Variants in DNAJB14 observed in about 807,000 individuals in gnomAD.
DNAJB14 encodes DnaJ heat shock protein family (Hsp40) member B14.
Under a neutral mutation model 48.4 loss-of-function variants are expected in DNAJB14, and 22 were observed. The observed-to-expected ratio is 0.45, with a 90% confidence interval of 0.32 to 0.65. The LOEUF is 0.65. Among genes scored for constraint, DNAJB14 ranks in the 30% least tolerant of loss-of-function variants. The pLI is 0.03. For synonymous variants in DNAJB14, 142 were observed against 158.7 expected (o/e 0.89, Z 0.79); for missense variants, 319 against 458.8 (o/e 0.70, Z 2.78).
At chr4:99,934,789 CAAAAAAAAAAAAAAAAAA>C (rs1167945149) in intron 1 of DNAJB14, among the ~76,000 whole-genome samples, 1 of 6,774 alleles carries the variant, frequency 1.5e-4, no homozygotes, top group Non-Finnish European at 2.4e-4. Context: ...AAGACTGTCT[CAAAAAAAAAAAAAAAAAA>C]AAAAAAAAAA....
At chr4:99,924,486 A>C (rs1726176989) in intron 2 of DNAJB14, 2 of 280,726 alleles carry the variant, frequency 7.1e-6, no homozygotes, top group African/African-American at 2.2e-5. Context: ...AAATTGTACA[A>C]ATTTACAGAA....
At chr4:99,923,734 T>C (rs1726145894) in intron 2 of DNAJB14, 2 of 968,044 alleles carry the variant, frequency 2.1e-6, no homozygotes, top group African/African-American at 1.8e-5. Context: ...TGGGGTCTTG[T>C]TATGTTGGGG....
At chr4:99,903,182 T>G (rs1472356536) in intron 7 of DNAJB14, among the ~76,000 whole-genome samples, 1 of 152,106 alleles carries the variant, frequency 6.6e-6, no homozygotes, top group Non-Finnish European at 1.5e-5. Flanking sequence ...TATATCAATC[T>G]TTATAGATGG....
intron 3 of DNAJB14, among the ~76,000 whole-genome samples, chr4:99,916,731 ATG>A (rs1725870302): frequency 6.6e-6 from 1 of 152,088 alleles, no homozygotes; most frequent in East Asian, 1.9e-4. Context: ...CATAATTTAT[ATG>A]TGTTATATAT....
intron 1 of DNAJB14, among the ~76,000 whole-genome samples, chr4:99,937,923 TAA>T (rs373465440): frequency 3.9e-4 from 47 of 119,916 alleles, no homozygotes; most frequent in African/African-American, 8.4e-4. Flanking sequence ...TCTATTTATT[TAA>T]AAAAAAAAAA....
At chr4:99,927,173 A>G (rs1458826012) in intron 2 of DNAJB14, 1 of 152,184 alleles carries the variant, frequency 6.6e-6, no homozygotes, top group African/African-American at 2.4e-5. Context: ...CAACAAGGCC[A>G]AAAGGATCTG....
intron 3 of DNAJB14, among the ~76,000 whole-genome samples, chr4:99,920,221 A>C (rs913434520): frequency 2.0e-5 from 3 of 152,286 alleles, no homozygotes; most frequent in Non-Finnish European, 4.4e-5. Context: ...TGTAAGGTTT[A>C]TTTCCCCCTT....
chr4:99,896,282 T>G lies in DNAJB14; in HGVS notation c.*4746A>C, dbSNP rs1302895370. 6.6e-6 allele frequency: 1 copy of G among 152,152 alleles called. No homozygotes were observed. The allele number at this position is 152,152 out of a possible 1,614,324, so 9.4% of individuals were successfully genotyped here. On this transcript the variant is annotated 3_prime_UTR_variant, in exon 8 of 8. Transcript: ENST00000442697. Reference sequence around the variant, plus strand: ...GAGAACAGACCTTTTTATTAATATATTGAGATAAACTACAGAGACTGAAAG... The same window carrying G: ...GAGAACAGACCTTTTTATTAATATAGTGAGATAAACTACAGAGACTGAAAG...
Position 99,900,126 on chromosome 4 carries a change from TCAC to T in DNAJB14, c.*899_*901del, listed in dbSNP as rs1227156114. The T allele has an allele frequency of 6.6e-6, 1 of 152,358 alleles. No homozygotes were observed. The highest frequency in any genetic ancestry group is 2.4e-5 in the African/African-American group (1 of 41,428). 9.4% of individuals were successfully genotyped at this position (152,358 alleles called of 1,614,324 possible). ...ACTTCTTTGGATCCTGCTTAAATGATCACCAAGAAACTGCAAATTTCTATGGGG... is the reference window on the plus strand; with the variant it reads ...ACTTCTTTGGATCCTGCTTAAATGATCAAGAAACTGCAAATTTCTATGGGG... On this transcript the variant is annotated 3_prime_UTR_variant, in exon 8 of 8. Coordinates refer to ENST00000442697, the MANE Select transcript of DNAJB14 (RefSeq NM_001031723.4).
At chr4:99,914,740 A>G (rs2110201499) in intron 3 of DNAJB14, among the ~76,000 whole-genome samples, 1 of 152,288 alleles carries the variant, frequency 6.6e-6, no homozygotes, top group East Asian at 1.9e-4. Flanking sequence ...CACGTTATCT[A>G]TGTCAGACTG....
intron 5 of DNAJB14, 135 bp from the exon 6 acceptor site, chr4:99,905,841 T>C (rs1349519834): frequency 1.6e-6 from 2 of 1,253,158 alleles, no homozygotes; most frequent in Non-Finnish European, 2.2e-6. Flanking sequence ...TGCGTAACCA[T>C]GCCAATAGGA....
intron 7 of DNAJB14, 103 bp from the exon 8 acceptor site, chr4:99,901,255 T>G: frequency 3.9e-6 from 4 of 1,032,366 alleles, no homozygotes; most frequent in Non-Finnish European, 5.3e-6. Flanking sequence ...ATATTTTGAT[T>G]AACTGACTTA....
In DNAJB14 at chr4:99,897,615, T is replaced by C. The variant is rs189945637; in HGVS notation, c.*3413A>G. ...AGACAAGTTTCTTTTCATTGGTTTATAGGGAATTTTATGGATTTTAACTAG... is the reference window on the plus strand; with the variant it reads ...AGACAAGTTTCTTTTCATTGGTTTACAGGGAATTTTATGGATTTTAACTAG... On this transcript the variant is annotated 3_prime_UTR_variant, in exon 8 of 8. Coordinates refer to ENST00000442697, the MANE Select transcript of DNAJB14 (RefSeq NM_001031723.4). The C allele has an allele frequency of 2.0e-5, 3 of 152,128 alleles. No homozygotes were observed. Among genetic ancestry groups the C allele is most frequent in the East Asian group, 1.9e-4 (1 of 5,190 alleles). 9.4% of individuals were successfully genotyped at this position (152,128 alleles called of 1,614,324 possible).
intron 7 of DNAJB14, among the ~76,000 whole-genome samples, chr4:99,902,013 C>G (rs982587603): frequency 6.6e-6 from 1 of 152,128 alleles, no homozygotes; most frequent in African/African-American, 2.4e-5. Context: ...ACTAAATCAA[C>G]TGGACTAGGA....
At chr4:99,945,028 A>G (rs1312863251) in intron 1 of DNAJB14, among the ~76,000 whole-genome samples, 5 of 152,180 alleles carry the variant, frequency 3.3e-5, no homozygotes, top group Admixed American at 6.5e-5. Context: ...ACAGAAACAC[A>G]AAGTAGAATG....
intron 7 of DNAJB14, 127 bp downstream of exon 7, chr4:99,903,598 CA>C: frequency 1.0e-6 from 1 of 958,788 alleles, no homozygotes; most frequent in East Asian, 2.6e-5. Flanking sequence ...CACATGATCT[CA>C]TTTAAGTACT....
intron 1 of DNAJB14, 94 bp downstream of exon 1, chr4:99,946,345 C>A (rs1283498657): frequency 1.3e-6 from 2 of 1,529,988 alleles, no homozygotes; most frequent in South Asian, 2.4e-5. Flanking sequence ...CCGGGGGCCC[C>A]GCAGGCCTCC....
In DNAJB14 at chr4:99,906,562, ATGT is replaced by A. The variant is rs1725476623; in HGVS notation, c.684_686del (p.Gln228del). On this transcript the variant is annotated inframe_deletion, in exon 5 of 8. Coordinates refer to ENST00000442697, the MANE Select transcript of DNAJB14 (RefSeq NM_001031723.4). Reference sequence around the variant, plus strand: ...TTTCATGTCCACTATGTCGATGCTGATGTTGTTGGCTATAACCAGCTCTTCCAT... The same window carrying A: ...TTTCATGTCCACTATGTCGATGCTGATGTTGGCTATAACCAGCTCTTCCAT... 2 of 1,611,418 alleles carry A rather than the reference ATGT, an allele frequency of 1.2e-6. No individual in the cohort carries two copies. Among genetic ancestry groups the A allele is most frequent in the African/African-American group, 1.3e-5 (1 of 74,804 alleles).
At chr4:99,915,761 T>G (rs2110202368) in intron 3 of DNAJB14, among the ~76,000 whole-genome samples, 1 of 152,304 alleles carries the variant, frequency 6.6e-6, no homozygotes, top group African/African-American at 2.4e-5. Flanking sequence ...GATGGTGGTG[T>G]TTAGTTCTTC....
Sources: allele counts gnomAD v4.1 joint callset (sites outside exome capture counted in the v4.1 genomes callset), GRCh38; gene constraint gnomAD v4.1.1; transcripts MANE v1.5; gene names NCBI Gene and HGNC (gene_info 2026-07-23, HGNC 2026-07-21).